Variants in CSMD1 observed in about 807,000 individuals in gnomAD.
CSMD1 encodes the protein CUB and sushi domain-containing protein 1.
CSMD1 carries 213 observed loss-of-function variants against 417.5 expected under a neutral mutation model. The observed-to-expected ratio is 0.51, with a 90% CI of 0.46 to 0.57. The LOEUF is 0.57. CSMD1 is among the 20% of genes least tolerant of loss of function. The pLI, the probability that CSMD1 is intolerant of heterozygous loss-of-function variation, is 0.00. For missense variants in CSMD1, 6,923 were observed against 4,529.7 expected, an observed-to-expected ratio of 1.53 and a Z score of -15.17; for synonymous variants, 2,862 against 1,736.8, an observed-to-expected ratio of 1.65 and a Z score of -16.11.
chr8:3,981,858 G>C (rs1460746795), intron 5 of CSMD1, among the ~76,000 whole-genome samples: 1 of 152,138 alleles, frequency 6.6e-6, no homozygotes, highest in Non-Finnish European at 1.5e-5. Flanking sequence ...GCTGCAGGGA[G>C]TAATGCAGCT....
chr8:4,867,327 T>C (rs1210583893), intron 1 of CSMD1, among the ~76,000 whole-genome samples: 1 of 152,084 alleles, frequency 6.6e-6, no homozygotes, highest in South Asian at 2.1e-4. Context: ...TATCTTGTCA[T>C]TGAAGAGCAT....
At chr8:3,690,532 G>C (rs986870761) in intron 7 of CSMD1, among the ~76,000 whole-genome samples, 3 of 152,306 alleles carry the variant, frequency 2.0e-5, no homozygotes, top group Non-Finnish European at 4.4e-5. Flanking sequence ...TAGACTGTTA[G>C]TCATCATCTA....
intron 16 of CSMD1, among the ~76,000 whole-genome samples, chr8:3,398,786 A>T (rs1307376255): frequency 6.6e-6 from 1 of 152,036 alleles, no homozygotes; most frequent in East Asian, 1.9e-4. Context: ...CTTATATAGA[A>T]CTCCAATAGC....
intron 3 of CSMD1, among the ~76,000 whole-genome samples, chr8:4,075,535 C>A (rs959675869): frequency 6.6e-6 from 1 of 152,074 alleles, no homozygotes; most frequent in African/African-American, 2.4e-5. Context: ...TGTCAGATAT[C>A]CCCTTAGAGA....
intron 46 of CSMD1, among the ~76,000 whole-genome samples, chr8:3,100,177 G>A (rs533433928): frequency 5.9e-5 from 9 of 152,076 alleles, no homozygotes; most frequent in African/African-American, 1.9e-4. Context: ...TCAGCTGCCC[G>A]AGTAGCTGGG....
At chr8:4,307,874 G>A (rs897403983) in intron 3 of CSMD1, among the ~76,000 whole-genome samples, 3 of 152,160 alleles carry the variant, frequency 2.0e-5, no homozygotes, top group African/African-American at 7.2e-5. Flanking sequence ...TGAGCAAGAA[G>A]TGTTCAGTAG....
At chr8:4,782,344 T>C (rs574249507) in intron 1 of CSMD1, among the ~76,000 whole-genome samples, 13 of 152,218 alleles carry the variant, frequency 8.5e-5, no homozygotes, top group Non-Finnish European at 1.6e-4. Context: ...TATCTAAGCA[T>C]TAAAACTACT....
intron 54 of CSMD1, among the ~76,000 whole-genome samples, chr8:2,995,212 A>G (rs2128951144): frequency 6.6e-6 from 1 of 152,332 alleles, no homozygotes; most frequent in African/African-American, 2.4e-5. Context: ...AAAAAAATCC[A>G]AACAATTCCA....
At chr8:3,670,298 C>A (rs56129402) in intron 7 of CSMD1, among the ~76,000 whole-genome samples, 95,464 of 151,562 alleles carry the variant, frequency 0.63, 30,243 homozygotes, top group Admixed American at 0.72. Flanking sequence ...TCTCCTGTGC[C>A]GGATGCTTCC....
intron 5 of CSMD1, among the ~76,000 whole-genome samples, chr8:3,787,517 A>G (rs1466990728): frequency 1.3e-5 from 2 of 152,196 alleles, no homozygotes; most frequent in Non-Finnish European, 2.9e-5. Flanking sequence ...AGAACCTAAC[A>G]GCAATTAAGA....
rs555755187 is a variant in CSMD1, at chr8:4,750,200, G to T, written c.86-112642C>A. On this transcript the variant is annotated intron_variant, in intron 1 of 69. Coordinates refer to ENST00000635120, the MANE Select transcript of CSMD1 (RefSeq NM_033225.6). ...TTTTTTGTATTTTTAGTAGAGACAG[G>T]GTTTCACCGTGTTAGCCACGATGGT... Among the ~76,000 whole-genome samples the T allele has an allele frequency of 8.8e-4, 133 of 151,902 alleles. 1 individual carries two copies. The highest frequency in any genetic ancestry group is 1.2e-3 in the Non-Finnish European group (82 of 67,954).
At chr8:4,752,789 G>A (rs1349037701) in intron 1 of CSMD1, among the ~76,000 whole-genome samples, 1 of 152,164 alleles carries the variant, frequency 6.6e-6, no homozygotes, top group Admixed American at 6.5e-5. Context: ...CTAAACAGGA[G>A]AGAAGGCATC....
intron 2 of CSMD1, among the ~76,000 whole-genome samples, chr8:4,537,842 A>G (rs1488312158): frequency 6.6e-6 from 1 of 152,192 alleles, no homozygotes; most frequent in Non-Finnish European, 1.5e-5. Context: ...CAGCAGAAGC[A>G]GCACTTTTTG....
Position 3,703,869 on chromosome 8 carries a change from G to C in CSMD1, c.1009+4545C>G, listed in dbSNP as rs186618654. On this transcript the variant is annotated intron_variant, in intron 7 of 69. Coordinates refer to ENST00000635120, the MANE Select transcript of CSMD1 (RefSeq NM_033225.6). ...GAAGATCACCTGAGGTCAGGAGTTT[G>C]AGACCAGCCTGGCCAATGGTGAAAC... 3.6e-3 allele frequency among the ~76,000 whole-genome samples: 553 copies of C among 152,234 alleles called. 1 individual carries two copies. Among genetic ancestry groups the C allele is most frequent in the African/African-American group, 9.8e-3 (405 of 41,524 alleles).
chr8:3,889,716 T>C (rs1042540817), intron 5 of CSMD1, among the ~76,000 whole-genome samples: 6 of 151,746 alleles, frequency 4.0e-5, no homozygotes, highest in African/African-American at 1.2e-4. Flanking sequence ...AATTGAGCTA[T>C]GGATTTTGTG....
intron 3 of CSMD1, among the ~76,000 whole-genome samples, chr8:4,071,071 T>G (rs995992033): frequency 1.3e-5 from 2 of 152,214 alleles, no homozygotes; most frequent in Non-Finnish European, 2.9e-5. Context: ...TACATGGTTA[T>G]GGTTTCTTTG....
At chr8:4,114,663 T>G (rs1162831676) in intron 3 of CSMD1, among the ~76,000 whole-genome samples, 1 of 152,200 alleles carries the variant, frequency 6.6e-6, no homozygotes, top group African/African-American at 2.4e-5. Flanking sequence ...CTAGATGCCA[T>G]TAAGAAAAAT....
intron 3 of CSMD1, among the ~76,000 whole-genome samples, chr8:4,386,754 T>C (rs548040500): frequency 5.8e-4 from 89 of 152,258 alleles, no homozygotes; most frequent in African/African-American, 2.1e-3. Flanking sequence ...TGACTTTAAT[T>C]AGGGGTAGAA....
chr8:4,900,796 A>C (rs888570834), intron 1 of CSMD1, among the ~76,000 whole-genome samples: 2 of 152,192 alleles, frequency 1.3e-5, no homozygotes, highest in Admixed American at 6.5e-5. Flanking sequence ...TGACTTTTCT[A>C]TCTAGGCCAA....
Sources: gnomAD v4.1 joint callset for allele counts (sites outside exome capture counted in the v4.1 genomes callset) on GRCh38, gnomAD v4.1.1 for gene constraint, MANE v1.5 for transcripts, NCBI Gene and HGNC (gene_info 2026-07-23, HGNC 2026-07-21) for gene names.